LEPR: variants seen among roughly 807,000 people sequenced by gnomAD.
LEPR encodes OB receptor.
Under a neutral mutation model 114.7 loss-of-function variants are expected in LEPR, and 56 were observed. The observed-to-expected ratio is 0.49, with a 90% CI of 0.39 to 0.61. The LOEUF is 0.61. LEPR is among the 20% of genes least tolerant of loss of function. The probability of loss-of-function intolerance (pLI) is 0.00; values close to 1 mark genes in which losing one functional copy is unlikely to be tolerated. For missense variants in LEPR, 1,202 were observed against 1,352.9 expected, an observed-to-expected ratio of 0.89 and a Z score of 1.75; for synonymous variants, 443 against 461.4, an observed-to-expected ratio of 0.96 and a Z score of 0.51.
chr1:65,633,600 T>C lies in LEPR; in HGVS notation c.2674-2591T>C, dbSNP rs1375259064. The C allele has an allele frequency of 8.3e-5, 82 of 986,900 alleles. No homozygotes were observed. Among genetic ancestry groups the C allele is most frequent in the Non-Finnish European group, 9.4e-5 (78 of 829,552 alleles). The allele number at this position is 986,900 out of a possible 1,614,324, so 61.1% of individuals were successfully genotyped here. A position where few individuals can be genotyped will look rare whatever the true frequency, so the allele number is the denominator to read the frequency against. On this transcript the variant is annotated intron_variant, in intron 19 of 19. Transcript: ENST00000349533. This position sits in a 1 kb window ranked among gnomAD's most constrained non-coding sequence, Gnocchi z 4.1. ...CTGACAAATAGCTTTAAAAATACAA[T>C]GATTATAAGTATGGAATCAGTGAAA...
Position 65,626,201 on chromosome 1 carries a change from T to C in LEPR, c.2673+3220T>C, listed in dbSNP as rs187583209. ...GCTTGTAGACTACGTCCTACCTCGC[T>C]GCCGCACCTGCTCTCCCTGAGGTGT... On this transcript the variant is annotated intron_variant, in intron 19 of 19. Transcript: ENST00000349533. 52 of 1,600,544 alleles carry C rather than the reference T, an allele frequency of 3.2e-5. No individual in the cohort carries two copies. The East Asian group carries it at 1.1e-3, about 34-fold the overall frequency.
intron 2 of LEPR, among the ~76,000 whole-genome samples, chr1:65,453,156 A>T (rs1259801371): frequency 1.1e-4 from 16 of 151,904 alleles, no homozygotes; most frequent in South Asian, 6.2e-4. Context: ...TGCGTCTATT[A>T]GATTCTTCTC....
rs1557669207 is a variant in LEPR at position 65,570,547 on chromosome 1, C to G, written c.115C>G (p.Pro39Ala). 1 of 1,613,808 alleles carries G rather than the reference C, an allele frequency of 6.2e-7. No individual in the cohort carries two copies. Among genetic ancestry groups the G allele is most frequent in the African/African-American group, 1.3e-5 (1 of 74,920 alleles). ...TTGGAGATTTAAGTTGTCTTGCATG[C>G]CACCAAATTCAACCTATGACTACTT... is the stretch of plus-strand genomic sequence containing the variant. ...TPWRFKLSCM[P>A]PNSTYDYFLL... The change falls in exon 4 of 20, where the codon CCA (proline) becomes GCA (alanine). Residue 39 changes from proline (P) to alanine (A), a missense_variant. Physicochemically the swap from Pro to Ala is conservative, Grantham distance 27 (BLOSUM62 -1). Coordinates refer to ENST00000349533, the MANE Select transcript of LEPR (RefSeq NM_002303.6).
chr1:65,526,239 A>G (rs1649958315), intron 2 of LEPR: 1 of 985,308 alleles, frequency 1.0e-6, no homozygotes, highest in Admixed American at 6.1e-5. Context: ...ATGACAAGAG[A>G]AAAAATAATT....
At chr1:65,507,537 G>GTATATATA (rs141509569) in intron 2 of LEPR, among the ~76,000 whole-genome samples, 4 of 140,456 alleles carry the variant, frequency 2.8e-5, no homozygotes, top group African/African-American at 1.1e-4. Context: ...ATATATGTGT[G>GTATATATA]TATATATATA....
At chr1:65,443,221 C>CA (rs1349690058) in intron 2 of LEPR, among the ~76,000 whole-genome samples, 2 of 151,834 alleles carry the variant, frequency 1.3e-5, no homozygotes, top group African/African-American at 2.4e-5. Context: ...AGATCAGTAT[C>CA]AAAAAAATCA....
chr1:65,433,233 G>A (rs1448279051), intron 2 of LEPR: 11 of 984,274 alleles, frequency 1.1e-5, no homozygotes, highest in East Asian at 1.1e-4. Flanking sequence ...GCTTCTTCCC[G>A]AAGAGATATA....
chr1:65,617,146 A>G (rs1299692334), intron 15 of LEPR, among the ~76,000 whole-genome samples: 2 of 152,340 alleles, frequency 1.3e-5, no homozygotes, highest in African/African-American at 2.4e-5. Context: ...GAGAAAAACT[A>G]TAATGGTTGG....
At chr1:65,508,874 TTATAGTTTTTGG>T (rs149731476) in intron 2 of LEPR, among the ~76,000 whole-genome samples, 3,091 of 152,278 alleles carry the variant, frequency 0.02, 48 homozygotes, top group Admixed American at 0.028. Context: ...CATCAATGTT[TTATAGTTTTTGG>T]TATACAGATC....
chr1:65,573,141 A>G (rs144872202), intron 5 of LEPR, among the ~76,000 whole-genome samples: 1 of 152,328 alleles, frequency 6.6e-6, no homozygotes, highest in African/African-American at 2.4e-5. Flanking sequence ...TTTTACAGAC[A>G]ACAGTGGCAT....
Position 65,473,460 on chromosome 1 carries a change from C to A in LEPR, c.-21+48082C>A, listed in dbSNP as rs113293090. ...TATAAATCAATACAAAAGTTATTGA[C>A]CCCTAGAAAATGACAATCACATACT... On this transcript the variant is annotated intron_variant, in intron 2 of 19. Transcript: ENST00000349533. 2.8e-3 allele frequency among the ~76,000 whole-genome samples: 419 copies of A among 152,260 alleles called. 1 individual carries two copies. The highest frequency in any genetic ancestry group is 9.2e-3 in the African/African-American group (381 of 41,550).
At chr1:65,518,199 T>C (rs1649386595) in intron 2 of LEPR, among the ~76,000 whole-genome samples, 1 of 152,232 alleles carries the variant, frequency 6.6e-6, no homozygotes, top group South Asian at 2.1e-4. Context: ...TTCTTTTGTC[T>C]TGTACTCTAT....
chr1:65,621,142 A>G (rs1156448173), intron 17 of LEPR, among the ~76,000 whole-genome samples: 2 of 152,330 alleles, frequency 1.3e-5, no homozygotes, highest in Middle Eastern at 3.4e-3. Flanking sequence ...ATATTTTGCT[A>G]ATTTACAGTA....
intron 2 of LEPR, among the ~76,000 whole-genome samples, chr1:65,531,411 CCTTT>C (rs1650387041): frequency 1.3e-5 from 2 of 151,592 alleles, no homozygotes; most frequent in Non-Finnish European, 2.9e-5. Context: ...CCTTTCCTTT[CCTTT>C]CCTTTCCTCC....
intron 2 of LEPR, among the ~76,000 whole-genome samples, chr1:65,466,696 C>A (rs1315312031): frequency 6.6e-6 from 1 of 152,096 alleles, no homozygotes; most frequent in African/African-American, 2.4e-5. Flanking sequence ...TCACATAGTC[C>A]CATATTTCTT....
At chr1:65,498,509 A>C (rs1156935024) in intron 2 of LEPR, among the ~76,000 whole-genome samples, 1 of 152,168 alleles carries the variant, frequency 6.6e-6, no homozygotes, top group Non-Finnish European at 1.5e-5. Flanking sequence ...CCCAAGAATG[A>C]CGATGGCGAA....
At chr1:65,622,474 A>C (rs1319734137) in intron 18 of LEPR, among the ~76,000 whole-genome samples, 3 of 152,202 alleles carry the variant, frequency 2.0e-5, no homozygotes. Flanking sequence ...GTTATTTTAC[A>C]CATGCCAAAT....
intron 2 of LEPR, among the ~76,000 whole-genome samples, chr1:65,483,204 T>C (rs1647307290): frequency 6.6e-6 from 1 of 151,918 alleles, no homozygotes; most frequent in Non-Finnish European, 1.5e-5. Context: ...TGTGTGCGTG[T>C]GTGTATCTAG....
chr1:65,459,510 C>T (rs1646918387), intron 2 of LEPR, among the ~76,000 whole-genome samples: 1 of 152,062 alleles, frequency 6.6e-6, no homozygotes, highest in Admixed American at 6.5e-5. Context: ...CAAGAACAAA[C>T]CAAAAAAGCA....
Sources: gnomAD v4.1 joint callset for allele counts (sites outside exome capture counted in the v4.1 genomes callset) on GRCh38, gnomAD v4.1.1 for gene constraint, Gnocchi (gnomAD v3.1) non-coding constraint, MANE v1.5 for transcripts, NCBI Gene and HGNC (gene_info 2026-07-23, HGNC 2026-07-21) for gene names.